FRS2: variants seen among roughly 807,000 people sequenced by gnomAD.
The protein encoded by FRS2 is fibroblast growth factor receptor substrate 2.
Under a neutral mutation model 43.9 loss-of-function variants are expected in FRS2, and 8 were observed. The ratio of observed to expected loss-of-function variants is 0.18; its 90% CI spans 0.11 to 0.33. The LOEUF (loss-of-function observed/expected upper bound fraction) is 0.33, where lower values mean the gene tolerates loss of function less well. Ranked by LOEUF, FRS2 falls within the 10% of genes least tolerant of loss-of-function variation. The pLI, the probability that FRS2 is intolerant of heterozygous loss-of-function variation, is 1.00. For synonymous variants in FRS2, 219 were observed against 220.3 expected (o/e 0.99, Z 0.05); for missense variants, 534 against 627.6 (o/e 0.85, Z 1.59).
intron 1 of FRS2, among the ~76,000 whole-genome samples, chr12:69,475,040 CAT>C (rs56339634): frequency 0.37 from 56,305 of 151,890 alleles, 10,858 homozygotes; most frequent in South Asian, 0.58. Context: ...TATGATAACA[CAT>C]ATGAAAGTTA....
chr12:69,498,847 T>C (rs1448713875), intron 1 of FRS2, among the ~76,000 whole-genome samples: 1 of 152,184 alleles, frequency 6.6e-6, no homozygotes, highest in Admixed American at 6.5e-5. Flanking sequence ...GCTGAGATTG[T>C]GTGTAGGATT....
At chr12:69,470,586 T>A in intron 1 of FRS2, 56 bp downstream of exon 1, 1 of 397,806 alleles carries the variant, frequency 2.5e-6, no homozygotes, top group Non-Finnish European at 4.4e-6. Context: ...GGAGCTGGCG[T>A]TCTCGTGCCC....
At chr12:69,537,987 G>A (rs909222923) in intron 3 of FRS2, 1 of 152,298 alleles carries the variant, frequency 6.6e-6, no homozygotes, top group Admixed American at 6.6e-5. Context: ...CTGCAAGGTA[G>A]GTTTACTGCT....
chr12:69,557,275 G>A (rs1879437160), intron 3 of FRS2, among the ~76,000 whole-genome samples: 1 of 152,138 alleles, frequency 6.6e-6, no homozygotes, highest in South Asian at 2.1e-4. Flanking sequence ...CTGAGCTAAA[G>A]AATAAAAACA....
rs992714789 is a variant in FRS2, at chr12:69,578,754, TC to T, written c.*3801del. On this transcript the variant is annotated 3_prime_UTR_variant, in exon 9 of 9. Coordinates refer to ENST00000549921, the MANE Select transcript of FRS2 (RefSeq NM_001278356.2). Reference sequence around the variant, plus strand: ...CTAATTTGCATTATAAATGTTTTTTTCCTACGTAAAGGCATAAATATAGCAA... The same window carrying T: ...CTAATTTGCATTATAAATGTTTTTTTCTACGTAAAGGCATAAATATAGCAA... 4 of 152,656 alleles carry T rather than the reference TC, an allele frequency of 2.6e-5. No homozygotes were observed. Among genetic ancestry groups the T allele is most frequent in the Non-Finnish European group, 4.4e-5 (3 of 68,036 alleles). 9.5% of individuals were successfully genotyped at this position (152,656 alleles called of 1,614,324 possible).
intron 1 of FRS2, among the ~76,000 whole-genome samples, chr12:69,478,724 ATGTGTGTGTGTGTGTGTGTGTG>A (rs59945124): frequency 6.8e-6 from 1 of 146,214 alleles, no homozygotes; most frequent in Non-Finnish European, 1.5e-5. Context: ...ATACATCATT[ATGTGTGTGTGTGTGTGTGTGTG>A]TGTGTGTGTG....
intron 3 of FRS2, among the ~76,000 whole-genome samples, chr12:69,552,380 TAAC>T (rs1878965122): frequency 7.0e-6 from 1 of 143,730 alleles, no homozygotes; most frequent in African/African-American, 2.6e-5. Context: ...ATATTCAAAA[TAAC>T]AACAATAACA....
intron 1 of FRS2, among the ~76,000 whole-genome samples, chr12:69,508,801 A>G (rs1405679134): frequency 6.6e-6 from 1 of 152,168 alleles, no homozygotes; most frequent in Non-Finnish European, 1.5e-5. Context: ...CATTTTAGAT[A>G]GTAGCTACTG....
At chr12:69,485,810 T>C (rs1013552246) in intron 1 of FRS2, among the ~76,000 whole-genome samples, 3 of 152,342 alleles carry the variant, frequency 2.0e-5, no homozygotes. Flanking sequence ...TCACACACTG[T>C]ACTTAAGTGC....
intron 1 of FRS2, among the ~76,000 whole-genome samples, chr12:69,477,709 CTTAT>C (rs138396374): frequency 0.34 from 48,275 of 141,618 alleles, 9,016 homozygotes; most frequent in Non-Finnish European, 0.4. Flanking sequence ...TTAATAGTAG[CTTAT>C]TTATTTATTT....
intron 3 of FRS2, among the ~76,000 whole-genome samples, chr12:69,557,625 C>CGCGCGCGCGT (rs1555192565): frequency 3.8e-5 from 4 of 104,566 alleles, no homozygotes; most frequent in African/African-American, 2.0e-4. Flanking sequence ...TGTGTGCGCG[C>CGCGCGCGCGT]GCGCGCGCGC....
intron 3 of FRS2, among the ~76,000 whole-genome samples, chr12:69,551,618 G>T (rs960534704): frequency 1.3e-5 from 2 of 152,096 alleles, no homozygotes; most frequent in Admixed American, 6.5e-5. Flanking sequence ...GTAAAATTTT[G>T]ATTGATTTCT....
At chr12:69,555,442 T>G (rs781684585) in intron 3 of FRS2, among the ~76,000 whole-genome samples, 1 of 152,238 alleles carries the variant, frequency 6.6e-6, no homozygotes, top group Non-Finnish European at 1.5e-5. Context: ...TAAAAGTTAA[T>G]CACAGGGATA....
intron 1 of FRS2, chr12:69,491,685 A>G: frequency 6.6e-6 from 1 of 151,550 alleles, no homozygotes; most frequent in South Asian, 2.1e-4. Flanking sequence ...AGTTTTTAAA[A>G]TTTTGTTGTA....
At chr12:69,566,418 T>C (rs918929388) in intron 4 of FRS2, among the ~76,000 whole-genome samples, 1 of 152,144 alleles carries the variant, frequency 6.6e-6, no homozygotes, top group Non-Finnish European at 1.5e-5. Flanking sequence ...TTACTTAAAA[T>C]TTCTTATATT....
At chr12:69,530,703 A>G (rs2135662204) in intron 1 of FRS2, among the ~76,000 whole-genome samples, 162 bp from the exon 2 acceptor site, 1 of 152,324 alleles carries the variant, frequency 6.6e-6, no homozygotes. Flanking sequence ...TGATGGTGCC[A>G]CTGCGCTTCA....
In FRS2 at chr12:69,525,678, C is replaced by T. The variant is rs115207507; in HGVS notation, c.-260-5187C>T. Among the ~76,000 whole-genome samples, 1,396 of 151,958 alleles carry T rather than the reference C, an allele frequency of 9.2e-3. 24 individuals carry two copies. Among genetic ancestry groups the T allele is most frequent in the African/African-American group, 0.031 (1,293 of 41,486 alleles). ...CTTTCCTTTCCTTCATCTTTATTAACCATCAGTGCAATGGAGACTGTGAGG... is the reference window on the plus strand; with the variant it reads ...CTTTCCTTTCCTTCATCTTTATTAATCATCAGTGCAATGGAGACTGTGAGG... On this transcript the variant is annotated intron_variant, in intron 1 of 8. Transcript: ENST00000549921.
chr12:69,500,151 G>A (rs768371598), intron 1 of FRS2, among the ~76,000 whole-genome samples: 1 of 152,022 alleles, frequency 6.6e-6, no homozygotes, highest in Non-Finnish European at 1.5e-5. Context: ...ACGAAATAAT[G>A]GTATTAACTT....
At chr12:69,502,163 A>G (rs1284555087) in intron 1 of FRS2, among the ~76,000 whole-genome samples, 1 of 152,018 alleles carries the variant, frequency 6.6e-6, no homozygotes, top group East Asian at 1.9e-4. Context: ...ACGGGGTTTT[A>G]CCGTGTTGGC....
Sources: gnomAD v4.1 joint callset for allele counts (sites outside exome capture counted in the v4.1 genomes callset) on GRCh38, gnomAD v4.1.1 for gene constraint, MANE v1.5 for transcripts, NCBI Gene and HGNC (gene_info 2026-07-23, HGNC 2026-07-21) for gene names.